ROBO1: variants seen among roughly 807,000 people sequenced by gnomAD.
ROBO1 encodes roundabout homolog 1.
A neutral mutation model predicts 195.9 loss-of-function variants in ROBO1; 149 were observed. The ratio of observed to expected loss-of-function variants is 0.76; its 90% CI spans 0.67 to 0.87. The LOEUF (loss-of-function observed/expected upper bound fraction) is 0.87, where lower values mean the gene tolerates loss of function less well. Ranked by LOEUF, ROBO1 falls within the 40% of genes least tolerant of loss-of-function variation. ROBO1 has a pLI of 0.00. For synonymous variants in ROBO1, 816 were observed against 733.2 expected, an observed-to-expected ratio of 1.11 and a Z score of -1.82; for missense variants, 1,933 against 2,068.3, an observed-to-expected ratio of 0.93 and a Z score of 1.27.
rs1322910954 is a variant in ROBO1, at chr3:78,633,946, C to T, written c.3470G>A (p.Ser1157Asn). Residue 1157 changes from serine (S) to asparagine (N), a missense_variant, in exon 24 of 31, where the codon AGT (serine) becomes AAT (asparagine). By Grantham distance (46) the Ser-to-Asn change is conservative. Coordinates refer to ENST00000464233, the MANE Select transcript of ROBO1 (RefSeq NM_002941.4). Reference protein sequence around the residue: ...GGSYNSSDRGSSTSGSQGHKK... With the variant: ...GGSYNSSDRGNSTSGSQGHKK... The stretch of plus-strand genomic sequence containing the variant: ...TTCATCTTACTTACCAGATGTACTA[C>T]TGCCCCGGTCTGAGCTGTTGTAGGA... The T allele has an allele frequency of 1.2e-6, 2 of 1,606,914 alleles. No homozygotes were observed. The highest frequency in any genetic ancestry group is 2.2e-5 in the East Asian group (1 of 44,760).
rs1186144139 is a variant in ROBO1, at chr3:78,994,817, T to C, written c.173-55890A>G. On this transcript the variant is annotated intron_variant, in intron 3 of 30. Transcript: ENST00000464233. ...TTTGTAGCCTCTAAAATTACACTGG[T>C]TGAACCCAGACGGAGTTAATCACCC... Among the ~76,000 whole-genome samples, 4 of 152,286 alleles carry C rather than the reference T, an allele frequency of 2.6e-5. No individual in the cohort carries two copies. In the East Asian group the frequency reaches 7.7e-4, roughly 29 times the overall value.
chr3:78,633,455 T>C (rs1705301564), intron 24 of ROBO1, among the ~76,000 whole-genome samples: 1 of 152,126 alleles, frequency 6.6e-6, no homozygotes, highest in African/African-American at 2.4e-5. Context: ...AACTGAGGGA[T>C]CGTAGAGGGA....
chr3:78,866,146 A>G (rs1299891671), intron 4 of ROBO1, among the ~76,000 whole-genome samples: 1 of 152,236 alleles, frequency 6.6e-6, no homozygotes. Context: ...GAATATTTGT[A>G]TACTTGTAAT....
chr3:79,159,416 T>A (rs1205665950), intron 2 of ROBO1, among the ~76,000 whole-genome samples: 1 of 152,012 alleles, frequency 6.6e-6, no homozygotes, highest in Non-Finnish European at 1.5e-5. Context: ...CATTAAATCT[T>A]TATTACCCAG....
At chr3:78,723,486 T>C in intron 5 of ROBO1, among the ~76,000 whole-genome samples, 1 of 152,188 alleles carries the variant, frequency 6.6e-6, no homozygotes, top group Non-Finnish European at 1.5e-5. Context: ...GGAAAATATA[T>C]ATTTGCATTG....
chr3:78,671,017 T>C (rs1336250062), intron 10 of ROBO1, among the ~76,000 whole-genome samples: 2 of 152,222 alleles, frequency 1.3e-5, no homozygotes, highest in Non-Finnish European at 2.9e-5. Context: ...CATACTTCTC[T>C]ATTGGGATTA....
At chr3:78,646,231 T>A in intron 20 of ROBO1, 41 bp from the exon 21 acceptor site, 1 of 1,546,872 alleles carries the variant, frequency 6.5e-7, no homozygotes, top group Non-Finnish European at 8.9e-7. Context: ...TTAATAGACA[T>A]ATTTATATAT....
intron 2 of ROBO1, among the ~76,000 whole-genome samples, chr3:79,486,065 G>A (rs1180173255): frequency 6.6e-6 from 1 of 152,074 alleles, no homozygotes. Context: ...TTGAAAACAT[G>A]TTATTCTTTA....
At chr3:79,252,227 C>T (rs912264070) in intron 2 of ROBO1, among the ~76,000 whole-genome samples, 1 of 151,886 alleles carries the variant, frequency 6.6e-6, no homozygotes, top group Non-Finnish European at 1.5e-5. Flanking sequence ...TAGTGTCTGC[C>T]CAGAATTCAT....
chr3:79,032,531 T>C (rs994923651), intron 3 of ROBO1, among the ~76,000 whole-genome samples: 1 of 152,056 alleles, frequency 6.6e-6, no homozygotes, highest in Non-Finnish European at 1.5e-5. Context: ...TTAGCTCAGA[T>C]AATTCACTTA....
intron 24 of ROBO1, among the ~76,000 whole-genome samples, chr3:78,631,759 T>C (rs2107509156): frequency 6.6e-6 from 1 of 152,330 alleles, no homozygotes; most frequent in South Asian, 2.1e-4. Context: ...TGAAATGTTT[T>C]AGGCACAATG....
intron 2 of ROBO1, among the ~76,000 whole-genome samples, chr3:79,172,704 T>C (rs2081189209): frequency 6.6e-6 from 1 of 152,128 alleles, no homozygotes; most frequent in African/African-American, 2.4e-5. Flanking sequence ...TCCCTTCTAC[T>C]GTGTCTACCC....
intron 1 of ROBO1, among the ~76,000 whole-genome samples, chr3:79,690,935 A>C (rs1366054294): frequency 6.6e-6 from 1 of 151,898 alleles, no homozygotes; most frequent in Admixed American, 6.6e-5. Context: ...AATAGCTACT[A>C]TTTCTAGGCT....
At chr3:79,422,362 C>T (rs1369220077) in intron 2 of ROBO1, among the ~76,000 whole-genome samples, 1 of 151,952 alleles carries the variant, frequency 6.6e-6, no homozygotes, top group Non-Finnish European at 1.5e-5. Flanking sequence ...TCTATGATTC[C>T]TTCTTACTAA....
intron 1 of ROBO1, among the ~76,000 whole-genome samples, chr3:79,607,278 TATAAAA>T (rs1486524899): frequency 1.3e-5 from 2 of 151,372 alleles, no homozygotes; most frequent in Non-Finnish European, 3.0e-5. Context: ...GAATAAATTA[TATAAAA>T]ATAATCTATT....
chr3:79,547,525 A>G (rs1942315901), intron 2 of ROBO1, among the ~76,000 whole-genome samples: 1 of 152,170 alleles, frequency 6.6e-6, no homozygotes, highest in Non-Finnish European at 1.5e-5. Flanking sequence ...GAAATTTCCA[A>G]ATATATATAA....
chr3:79,407,194 C>T (rs965155570), intron 2 of ROBO1, among the ~76,000 whole-genome samples: 1 of 152,150 alleles, frequency 6.6e-6, no homozygotes, highest in African/African-American at 2.4e-5. Context: ...TCCCAAAGTG[C>T]TGGGATTACA....
intron 3 of ROBO1, among the ~76,000 whole-genome samples, chr3:78,958,103 G>GA (rs964768316): frequency 6.6e-5 from 10 of 151,924 alleles, no homozygotes; most frequent in African/African-American, 2.2e-4. Context: ...ACAGTCTTTT[G>GA]AAAAAATAAG....
intron 3 of ROBO1, among the ~76,000 whole-genome samples, chr3:78,967,957 A>G (rs2076683415): frequency 6.6e-6 from 1 of 152,172 alleles, no homozygotes; most frequent in Admixed American, 6.5e-5. Context: ...CACATCATAA[A>G]CTTGCAAGTC....
Sources: allele counts gnomAD v4.1 joint callset (sites outside exome capture counted in the v4.1 genomes callset), GRCh38; gene constraint gnomAD v4.1.1; transcripts MANE v1.5; gene names NCBI Gene and HGNC (gene_info 2026-07-23, HGNC 2026-07-21).